DOCK2: variants seen among roughly 807,000 people sequenced by gnomAD.
DOCK2 encodes dedicator of cytokinesis 2, also known as dedicator of cytokinesis protein 2.
Under a neutral mutation model 248.9 loss-of-function variants are expected in DOCK2, and 87 were observed. The ratio of observed to expected loss-of-function variants is 0.35; its 90% confidence interval spans 0.29 to 0.42. DOCK2 has a LOEUF of 0.42. Ranked by LOEUF, DOCK2 falls within the 10% of genes least tolerant of loss-of-function variation. The pLI, the probability that DOCK2 is intolerant of heterozygous loss-of-function variation, is 1.00. For synonymous variants in DOCK2, 805 were observed against 821.6 expected, an observed-to-expected ratio of 0.98 and a Z score of 0.35; for missense variants, 1,747 against 2,300.2, an observed-to-expected ratio of 0.76 and a Z score of 4.92.
At chr5:169,730,788 G>C (rs1246705027) in intron 22 of DOCK2, among the ~76,000 whole-genome samples, 7 of 152,088 alleles carry the variant, frequency 4.6e-5, no homozygotes, top group Admixed American at 4.6e-4. Flanking sequence ...ATTTTTAAGA[G>C]CCATTTATGT....
At chr5:169,905,192 G>A (rs1268194610) in intron 27 of DOCK2, among the ~76,000 whole-genome samples, 1 of 152,142 alleles carries the variant, frequency 6.6e-6, no homozygotes, top group African/African-American at 2.4e-5. Flanking sequence ...CCAGCTGGGA[G>A]CAAGCTAGGC....
intron 14 of DOCK2, among the ~76,000 whole-genome samples, chr5:169,704,759 A>ATATG (rs1207381620): frequency 4.1e-4 from 57 of 140,016 alleles, no homozygotes; most frequent in Non-Finnish European, 7.3e-4. Flanking sequence ...CTCCATATAT[A>ATATG]TGTGTGTGTG....
intron 41 of DOCK2, among the ~76,000 whole-genome samples, chr5:170,051,496 G>A (rs556115327): frequency 6.6e-6 from 1 of 152,290 alleles, no homozygotes; most frequent in Non-Finnish European, 1.5e-5. Context: ...TCAGATCCTA[G>A]CTTGGCGTCA....
At chr5:169,998,703 A>G (rs932603320) in intron 30 of DOCK2, among the ~76,000 whole-genome samples, 11 of 152,214 alleles carry the variant, frequency 7.2e-5, no homozygotes, top group Non-Finnish European at 1.2e-4. Flanking sequence ...GTGGTGGCTG[A>G]CACCAAAGCC....
intron 26 of DOCK2, among the ~76,000 whole-genome samples, chr5:169,839,152 A>G (rs533815048): frequency 4.6e-5 from 7 of 152,294 alleles, no homozygotes; most frequent in Non-Finnish European, 8.8e-5. Flanking sequence ...TTCTGGAGAC[A>G]CAAGGCTGTT....
At chr5:169,823,719 G>A (rs1235393762) in intron 26 of DOCK2, among the ~76,000 whole-genome samples, 1 of 152,178 alleles carries the variant, frequency 6.6e-6, no homozygotes, top group African/African-American at 2.4e-5. Flanking sequence ...ACAAGACAGG[G>A]ACGCCCTCTC....
chr5:169,862,040 A>G (rs1771235676), intron 27 of DOCK2, among the ~76,000 whole-genome samples: 1 of 151,960 alleles, frequency 6.6e-6, no homozygotes, highest in Non-Finnish European at 1.5e-5. Context: ...CTGGAAACAT[A>G]TCTATGACCA....
chr5:169,695,908 C>G lies in DOCK2; in HGVS notation c.949C>G (p.Gln317Glu). The change falls in exon 10 of 52, where the codon CAG becomes GAG. Residue 317 changes from glutamine to glutamate, a missense_variant. Gln to Glu is a conservative substitution (Grantham distance 29). This residue lies in a region of DOCK2 where 375 missense variants were observed against 510.9 expected (regional missense o/e 0.73). Coordinates refer to ENST00000520908, the MANE Select transcript of DOCK2 (RefSeq NM_004946.3). ...GGATACTGGTGCAAAGAAGTGCACG[C>G]AGGGACTGAGGAGGCCCTTTGGGGT... ...LKDTGAKKCT[Q>E]GLRRPFGVAV... The G allele has an allele frequency of 6.2e-7, 1 of 1,612,884 alleles. No individual in the cohort carries two copies. Among genetic ancestry groups the G allele is most frequent in the Non-Finnish European group, 8.5e-7 (1 of 1,179,526 alleles).
At chr5:169,852,364 G>A (rs577315717) in intron 27 of DOCK2, among the ~76,000 whole-genome samples, 27 of 152,196 alleles carry the variant, frequency 1.8e-4, no homozygotes, top group Admixed American at 8.5e-4. Context: ...GAGAAACAGC[G>A]TATCTGCCAT....
chr5:169,999,099 T>C (rs577791416), intron 30 of DOCK2, among the ~76,000 whole-genome samples: 121 of 152,344 alleles, frequency 7.9e-4, no homozygotes, highest in Admixed American at 1.4e-3. Flanking sequence ...TCCATGCTCT[T>C]AGATGGATAT....
chr5:169,865,228 T>G (rs1216894267), intron 27 of DOCK2, among the ~76,000 whole-genome samples: 2 of 152,244 alleles, frequency 1.3e-5, no homozygotes, highest in African/African-American at 4.8e-5. Flanking sequence ...TTGGTGTCAT[T>G]AACATACGGA....
chr5:170,060,052 C>T (rs1021791557), intron 44 of DOCK2, among the ~76,000 whole-genome samples: 3 of 152,156 alleles, frequency 2.0e-5, no homozygotes, highest in African/African-American at 7.2e-5. Context: ...GTATCTTGTT[C>T]TTGGTTATTT....
chr5:169,888,788 G>A (rs2113530278), intron 27 of DOCK2, among the ~76,000 whole-genome samples: 1 of 152,332 alleles, frequency 6.6e-6, no homozygotes, highest in African/African-American at 2.4e-5. Context: ...GATAGTCAGT[G>A]TTCACTCTTC....
intron 14 of DOCK2, chr5:169,702,707 A>G (rs1761052409): frequency 4.7e-6 from 1 of 211,178 alleles, no homozygotes; most frequent in South Asian, 1.0e-4. Context: ...GTATTTATTT[A>G]TTTATTTACT....
intron 27 of DOCK2, among the ~76,000 whole-genome samples, chr5:169,952,940 G>C (rs2113728961): frequency 6.6e-6 from 1 of 152,306 alleles, no homozygotes; most frequent in Middle Eastern, 3.4e-3. Flanking sequence ...AAAACAGTAG[G>C]TTGATTGTGG....
chr5:169,649,804 TTTTC>T (rs995236596), intron 1 of DOCK2, among the ~76,000 whole-genome samples: 3 of 151,006 alleles, frequency 2.0e-5, no homozygotes, highest in African/African-American at 4.9e-5. Context: ...AGGGATTTTT[TTTTC>T]TTTCTTTTTT....
intron 44 of DOCK2, among the ~76,000 whole-genome samples, chr5:170,066,202 G>A (rs368812446): frequency 5.3e-5 from 8 of 151,848 alleles, no homozygotes; most frequent in East Asian, 3.9e-4. Context: ...TGCCCACCTC[G>A]GCCTCCCGCA....
intron 27 of DOCK2, chr5:169,883,251 A>G (rs777202202): frequency 4.0e-5 from 62 of 1,551,506 alleles, no homozygotes; most frequent in Non-Finnish European, 5.1e-5. Flanking sequence ...CAGACTCTCT[A>G]GCTTCCCAGG....
At chr5:169,981,338 A>C (rs548305556) in intron 27 of DOCK2, among the ~76,000 whole-genome samples, 1 of 152,220 alleles carries the variant, frequency 6.6e-6, no homozygotes, top group Non-Finnish European at 1.5e-5. Flanking sequence ...ACGTGTATAT[A>C]TACATACAGG....
Sources: gnomAD v4.1 joint callset for allele counts (sites outside exome capture counted in the v4.1 genomes callset) on GRCh38, gnomAD v4.1.1 for gene constraint, gnomAD v4.1.1 regional missense constraint, MANE v1.5 for transcripts, NCBI Gene and HGNC (gene_info 2026-07-23, HGNC 2026-07-21) for gene names.